THSD4: variants seen among roughly 807,000 people sequenced by gnomAD.
THSD4 encodes thrombospondin type-1 domain-containing protein 4.
A neutral mutation model predicts 119.0 loss-of-function variants in THSD4; 69 were observed. The observed-to-expected ratio is 0.58, with a 90% CI of 0.48 to 0.71. The LOEUF is 0.71. Ranked by LOEUF, THSD4 falls within the 30% of genes least tolerant of loss-of-function variation. THSD4 has a pLI of 0.00. For synonymous variants in THSD4, 524 were observed against 540.4 expected, an observed-to-expected ratio of 0.97 and a Z score of 0.42; for missense variants, 1,393 against 1,391.1, an observed-to-expected ratio of 1.00 and a Z score of -0.02.
intron 3 of THSD4, among the ~76,000 whole-genome samples, chr15:71,195,745 G>A (rs534585252): frequency 6.6e-6 from 1 of 152,276 alleles, no homozygotes; most frequent in East Asian, 1.9e-4. Flanking sequence ...GGTGGATGGG[G>A]TTGGGGGAAA....
At chr15:71,715,124 G>A (rs1041613942) in intron 8 of THSD4, among the ~76,000 whole-genome samples, 1 of 152,082 alleles carries the variant, frequency 6.6e-6, no homozygotes, top group Non-Finnish European at 1.5e-5. Context: ...GTTCCCAAAG[G>A]ACATTAAAAT....
chr15:71,257,195 C>T lies in THSD4; in HGVS notation c.1015+480C>T, dbSNP rs116171486. On this transcript the variant is annotated intron_variant, in intron 6 of 17. Coordinates refer to ENST00000261862, the MANE Select transcript of THSD4 (RefSeq NM_024817.3). ...AAGATAATAGTAGGCAGGCATTGCC[C>T]GTGAGTACAAGATCCCCGTCATTTC... Among the ~76,000 whole-genome samples the T allele has an allele frequency of 5.8e-3, 888 of 152,140 alleles. 7 individuals carry two copies. The highest frequency in any genetic ancestry group is 0.02 in the African/African-American group (845 of 41,498).
intron 7 of THSD4, among the ~76,000 whole-genome samples, chr15:71,522,822 G>T (rs2048462112): frequency 6.6e-6 from 1 of 152,194 alleles, no homozygotes; most frequent in African/African-American, 2.4e-5. Context: ...CTATTTAGAG[G>T]AGTAGGTTTT....
At chr15:71,585,003 T>C (rs1011433687) in intron 7 of THSD4, among the ~76,000 whole-genome samples, 5 of 152,232 alleles carry the variant, frequency 3.3e-5, no homozygotes, top group Admixed American at 6.5e-5. Context: ...TTTTATGTTA[T>C]TGATATTACA....
chr15:71,597,689 C>T (rs2049930518), intron 7 of THSD4, among the ~76,000 whole-genome samples: 1 of 152,190 alleles, frequency 6.6e-6, no homozygotes, highest in Non-Finnish European at 1.5e-5. Flanking sequence ...TGTCCCACCC[C>T]CAAGTATTGG....
chr15:71,776,921 A>G (rs1483139287), intron 17 of THSD4, among the ~76,000 whole-genome samples: 1 of 152,242 alleles, frequency 6.6e-6, no homozygotes, highest in African/African-American at 2.4e-5. Flanking sequence ...GTTTAAGTGT[A>G]AAGAAATGTT....
At chr15:71,283,486 C>A (rs915041587) in intron 6 of THSD4, among the ~76,000 whole-genome samples, 1 of 152,148 alleles carries the variant, frequency 6.6e-6, no homozygotes, top group Admixed American at 6.5e-5. Flanking sequence ...TACTTCAGAA[C>A]CTGTTAATGG....
At chr15:71,673,150 T>A (rs1043734738) in intron 8 of THSD4, among the ~76,000 whole-genome samples, 2 of 152,220 alleles carry the variant, frequency 1.3e-5, no homozygotes, top group Non-Finnish European at 1.5e-5. Flanking sequence ...CTATTAATTA[T>A]TGCCTCAATT....
chr15:71,186,352 G>T (rs1043170473), intron 3 of THSD4: 2 of 152,232 alleles, frequency 1.3e-5, no homozygotes, highest in Non-Finnish European at 2.9e-5. Flanking sequence ...TCCTGCCCAT[G>T]GTTTTGGGAT....
chr15:71,310,632 C>T (rs1453016232), intron 6 of THSD4, among the ~76,000 whole-genome samples: 1 of 152,250 alleles, frequency 6.6e-6, no homozygotes, highest in East Asian at 1.9e-4. Flanking sequence ...TGGGTGACCT[C>T]TCTGGAATGG....
intron 7 of THSD4, among the ~76,000 whole-genome samples, chr15:71,626,770 C>A (rs533978924): frequency 3.1e-4 from 47 of 152,278 alleles, no homozygotes; most frequent in Admixed American, 1.2e-3. Flanking sequence ...AAGATCATGA[C>A]ATTTCAAAAT....
At chr15:71,594,537 C>T (rs2049871361) in intron 7 of THSD4, among the ~76,000 whole-genome samples, 1 of 152,088 alleles carries the variant, frequency 6.6e-6, no homozygotes, top group South Asian at 2.1e-4. Context: ...CCAGCCCGAC[C>T]CAGGTGTGCC....
intron 3 of THSD4, among the ~76,000 whole-genome samples, chr15:71,194,666 C>G (rs1287845557): frequency 6.6e-6 from 1 of 152,152 alleles, no homozygotes; most frequent in Non-Finnish European, 1.5e-5. Flanking sequence ...TCCTACCAGT[C>G]CCATCTCCAA....
chr15:71,490,581 CATT>C (rs2047902990), intron 7 of THSD4, among the ~76,000 whole-genome samples: 1 of 50,998 alleles, frequency 2.0e-5, no homozygotes, highest in South Asian at 5.5e-4. Context: ...AAAAAAAAAA[CATT>C]AGCCAGGCAT....
intron 5 of THSD4, among the ~76,000 whole-genome samples, chr15:71,256,174 G>C (rs1264776651): frequency 6.6e-6 from 1 of 152,118 alleles, no homozygotes. Context: ...AAGAGGGCTG[G>C]TATTTAAAGT....
chr15:71,356,932 T>G (rs1844889027), intron 6 of THSD4, among the ~76,000 whole-genome samples: 1 of 152,100 alleles, frequency 6.6e-6, no homozygotes, highest in South Asian at 2.1e-4. Context: ...GATCACTGAG[T>G]CCAGCCCAAG....
At chr15:71,700,365 T>C (rs1455130892) in intron 8 of THSD4, among the ~76,000 whole-genome samples, 1 of 151,972 alleles carries the variant, frequency 6.6e-6, no homozygotes, top group East Asian at 1.9e-4. Flanking sequence ...ATATTTAAAA[T>C]AAATGAAACA....
rs56080459 is a variant in THSD4, at chr15:71,741,684, T to TACACACAC, written c.1907-3385_1907-3378dup. On this transcript the variant is annotated intron_variant, in intron 11 of 17. Transcript: ENST00000261862. The stretch of plus-strand genomic sequence containing the variant: ...GCCCATATACACCCATGTGTGCATG[T>TACACACAC]ACACACACACACACACACACACACA... Among the ~76,000 whole-genome samples the TACACACAC allele has an allele frequency of 4.1e-3, 594 of 145,818 alleles. 2 individuals carry two copies. Among genetic ancestry groups the TACACACAC allele is most frequent in the African/African-American group, 0.013 (521 of 38,888 alleles).
intron 6 of THSD4, among the ~76,000 whole-genome samples, chr15:71,279,720 T>G (rs1206409240): frequency 6.6e-6 from 1 of 151,940 alleles, no homozygotes; most frequent in Non-Finnish European, 1.5e-5. Flanking sequence ...AATGAAACTG[T>G]GACTCAGGAC....
Sources: allele counts gnomAD v4.1 joint callset (sites outside exome capture counted in the v4.1 genomes callset), GRCh38; gene constraint gnomAD v4.1.1; transcripts MANE v1.5; gene names NCBI Gene and HGNC (gene_info 2026-07-23, HGNC 2026-07-21).